C1orf87: variants seen among roughly 807,000 people sequenced by gnomAD.
C1orf87 encodes chromosome 1 open reading frame 87.
Under a neutral mutation model 60.5 loss-of-function variants are expected in C1orf87, and 58 were observed. The observed-to-expected ratio is 0.96, with a 90% confidence interval of 0.78 to 1.19. The LOEUF is 1.19. Among genes scored for constraint, C1orf87 ranks in the 50% most tolerant of loss-of-function variants. The pLI is 0.00. For missense variants in C1orf87, 673 were observed against 638.6 expected (o/e 1.05, Z -0.58); for synonymous variants, 236 against 227.4 (o/e 1.04, Z -0.34).
chr1:60,046,211 TCTCCTC>T (rs557997531), intron 3 of C1orf87, among the ~76,000 whole-genome samples: 32 of 139,630 alleles, frequency 2.3e-4, no homozygotes, highest in Non-Finnish European at 4.2e-4. Flanking sequence ...TCCTTCCCCT[TCTCCTC>T]CTCCTCCTCC....
intron 8 of C1orf87, among the ~76,000 whole-genome samples, chr1:60,020,492 G>C (rs1449419207): frequency 6.6e-6 from 1 of 152,220 alleles, no homozygotes; most frequent in Non-Finnish European, 1.5e-5. Context: ...CCTTGCATCA[G>C]TGTGCTCTGG....
intron 7 of C1orf87, among the ~76,000 whole-genome samples, chr1:60,027,508 C>T (rs974867164): frequency 2.6e-5 from 4 of 152,228 alleles, no homozygotes; most frequent in Non-Finnish European, 4.4e-5. Context: ...CTCTTAGCAA[C>T]CATGAGAAAC....
chr1:60,009,499 T>G (rs1645067891), intron 9 of C1orf87, among the ~76,000 whole-genome samples: 1 of 152,040 alleles, frequency 6.6e-6, no homozygotes, highest in Non-Finnish European at 1.5e-5. Flanking sequence ...CACCATATTC[T>G]TTTTTATCCC....
intron 2 of C1orf87, among the ~76,000 whole-genome samples, chr1:60,066,788 C>T (rs1645549529): frequency 6.6e-6 from 1 of 151,972 alleles, no homozygotes; most frequent in Admixed American, 6.6e-5. Context: ...CAACCTGTCA[C>T]CTACATTAGG....
At position 60,052,873 on chromosome 1, in the gene C1orf87, G is replaced by A. The variant is rs540219653; in HGVS notation, c.342+2331C>T. ...CAGGCAACTGTGGCTGCCATCTGGC[G>A]GGCCAGCACCACACGCCCGCCCGGC... is the stretch of plus-strand genomic sequence containing the variant. On this transcript the variant is annotated intron_variant, in intron 3 of 11. Transcript: ENST00000371201. Among the ~76,000 whole-genome samples the A allele has an allele frequency of 3.9e-5, 6 of 152,300 alleles. 1 individual carries two copies. Among genetic ancestry groups the A allele is most frequent in the Admixed American group, 3.9e-4 (6 of 15,308 alleles).
At chr1:60,032,005 T>C (rs112861121) in intron 7 of C1orf87, among the ~76,000 whole-genome samples, 137 of 138,386 alleles carry the variant, frequency 9.9e-4, no homozygotes, top group Middle Eastern at 7.2e-3. Context: ...CACACACACA[T>C]ACACACACAC....
At position 60,040,154 on chromosome 1, in the gene C1orf87, T is replaced by A; in HGVS notation, c.510A>T (p.Thr170=). Residue 170 remains threonine (T), a synonymous_variant, in exon 5 of 12, where the codon ACA becomes ACT. Transcript: ENST00000371201. ...CAAGAAGAAAAGCGTCTTCATTTGT[T>A]GTCCCACTTGGGCTCTGGCCAATAT... ...PEDIGQSPSG[T]TNEDAFLLAL... is the part of the protein sequence containing the mutation. The A allele has an allele frequency of 1.2e-6, 2 of 1,613,802 alleles. No individual in the cohort carries two copies. The highest frequency in any genetic ancestry group is 2.2e-5 in the South Asian group (2 of 91,046).
At chr1:60,071,960 C>A (rs1645587064) in intron 2 of C1orf87, among the ~76,000 whole-genome samples, 1 of 152,102 alleles carries the variant, frequency 6.6e-6, no homozygotes, top group African/African-American at 2.4e-5. Flanking sequence ...TAAGAAAGAG[C>A]TAGTCATACT....
chr1:60,010,368 G>A, intron 9 of C1orf87, 24 bp downstream of exon 9: 1 of 1,603,808 alleles, frequency 6.2e-7, no homozygotes, highest in Non-Finnish European at 8.5e-7. Flanking sequence ...GGTCTCTCTG[G>A]AGCAAAAAAA....
chr1:60,029,942 CT>C (rs1321834543), intron 7 of C1orf87, among the ~76,000 whole-genome samples: 1 of 152,036 alleles, frequency 6.6e-6, no homozygotes, highest in Non-Finnish European at 1.5e-5. Context: ...CCCGGTCCCC[CT>C]GTCCCCGCAT....
chr1:60,065,191 A>G (rs983100800), intron 2 of C1orf87, among the ~76,000 whole-genome samples: 1 of 150,338 alleles, frequency 6.7e-6, no homozygotes, highest in African/African-American at 2.5e-5. Flanking sequence ...CTTAAGTGCC[A>G]TCGGTTTGTA....
In C1orf87 at chr1:60,073,708, AC is replaced by A. The variant is rs1645599442; in HGVS notation, c.-47del. Reference sequence around the variant, plus strand: ...GGCTTACCGCTAGGGCAGCGTCCCCACCCTGGCAGCTCAGAGGTGCGCGGTC... The same window carrying A: ...GGCTTACCGCTAGGGCAGCGTCCCCACCTGGCAGCTCAGAGGTGCGCGGTC... On this transcript the variant is annotated 5_prime_UTR_variant, in exon 1 of 12. Coordinates refer to ENST00000371201, the MANE Select transcript of C1orf87 (RefSeq NM_152377.3). 1 of 152,392 alleles carries A rather than the reference AC, an allele frequency of 6.6e-6. No individual in the cohort carries two copies. Among genetic ancestry groups the A allele is most frequent in the Middle Eastern group, 3.4e-3 (1 of 296 alleles). The allele number at this position is 152,392 out of a possible 1,614,324, so 9.4% of individuals were successfully genotyped here.
intron 10 of C1orf87, among the ~76,000 whole-genome samples, chr1:59,998,329 G>A (rs1021466088): frequency 1.3e-5 from 2 of 152,190 alleles, no homozygotes; most frequent in Non-Finnish European, 2.9e-5. Context: ...AAAGGAGGCT[G>A]GGGCCCAGAA....
chr1:59,996,819 G>T (rs1644966526), intron 11 of C1orf87, among the ~76,000 whole-genome samples: 1 of 152,068 alleles, frequency 6.6e-6, no homozygotes, highest in Non-Finnish European at 1.5e-5. Flanking sequence ...GGTTATTTAC[G>T]CACACTGGCT....
intron 7 of C1orf87, among the ~76,000 whole-genome samples, chr1:60,026,583 G>T (rs1331380223): frequency 1.3e-5 from 2 of 151,460 alleles, no homozygotes; most frequent in African/African-American, 2.4e-5. Context: ...AGGTAGTGGG[G>T]TATCAAGGAA....
rs377209196 is a variant in C1orf87, at chr1:59,993,828, G to A, written c.1481-2995C>T. On this transcript the variant is annotated intron_variant, in intron 11 of 11. Transcript: ENST00000371201. ...GGCTGGAGTGCAGTGGCATGATCCC[G>A]GTTCACTGCAACCTCCACTTCCTGG... Among the ~76,000 whole-genome samples the A allele has an allele frequency of 1.8e-3, 264 of 146,656 alleles. 2 individuals are homozygous for A. Among genetic ancestry groups the A allele is most frequent in the African/African-American group, 6.0e-3 (239 of 39,826 alleles).
chr1:60,041,268 G>A (rs2100298815), intron 3 of C1orf87, 137 bp from the exon 4 acceptor site: 1 of 707,994 alleles, frequency 1.4e-6, no homozygotes, highest in South Asian at 3.4e-5. Flanking sequence ...TTTAGCCCAT[G>A]TATCATTGAG....
intron 2 of C1orf87, 52 bp from the exon 3 acceptor site, chr1:60,055,490 A>G (rs1645448345): frequency 6.7e-7 from 1 of 1,497,212 alleles, no homozygotes; most frequent in Non-Finnish European, 9.3e-7. Context: ...CTCCTCATAC[A>G]CTAGGCTGGC....
At chr1:60,058,337 T>C (rs937825352) in intron 2 of C1orf87, among the ~76,000 whole-genome samples, 18 of 152,202 alleles carry the variant, frequency 1.2e-4, no homozygotes, top group African/African-American at 3.9e-4. Context: ...GGTAGACTTA[T>C]GATGTATACT....
Sources: gnomAD v4.1 joint callset for allele counts (sites outside exome capture counted in the v4.1 genomes callset) on GRCh38, gnomAD v4.1.1 for gene constraint, MANE v1.5 for transcripts, NCBI Gene and HGNC (gene_info 2026-07-23, HGNC 2026-07-21) for gene names.